The following NR3C2 variants were observed in gnomAD, a reference collection of about 807,000 sequenced individuals.
The protein encoded by NR3C2 is mineralocorticoid receptor.
In NR3C2, 15 loss-of-function variants were observed where a neutral mutation model predicts 86.4. The observed-to-expected ratio is 0.17, with a 90% CI of 0.12 to 0.27. The LOEUF is 0.27. NR3C2 is among the 10% of genes least tolerant of loss of function. The pLI is 1.00. For missense variants in NR3C2, 960 were observed against 1,195.6 expected, an observed-to-expected ratio of 0.80 and a Z score of 2.91; for synonymous variants, 458 against 450.5, an observed-to-expected ratio of 1.02 and a Z score of -0.21.
chr4:148,323,216 T>C (rs970386785), intron 2 of NR3C2, among the ~76,000 whole-genome samples: 4 of 140,408 alleles, frequency 2.8e-5, no homozygotes, highest in South Asian at 5.1e-4. Context: ...GGGACCCACT[T>C]GAGGTGGCAG....
chr4:148,341,098 T>A (rs1366882785), intron 2 of NR3C2, among the ~76,000 whole-genome samples: 2 of 152,118 alleles, frequency 1.3e-5, no homozygotes, highest in African/African-American at 4.8e-5. Flanking sequence ...AAATACCATA[T>A]AATCCAGCAA....
chr4:148,308,681 T>C (rs1742759802), intron 2 of NR3C2, among the ~76,000 whole-genome samples: 1 of 152,086 alleles, frequency 6.6e-6, no homozygotes, highest in South Asian at 2.1e-4. Context: ...CACTGTGGGA[T>C]GGCTATAGTT....
At chr4:148,406,533 A>G (rs1310874699) in intron 2 of NR3C2, among the ~76,000 whole-genome samples, 1 of 152,022 alleles carries the variant, frequency 6.6e-6, no homozygotes, top group African/African-American at 2.4e-5. Context: ...CTGCTGGAAA[A>G]CCTGAAGAAA....
At chr4:148,214,633 C>A (rs1737436075) in intron 3 of NR3C2, among the ~76,000 whole-genome samples, 1 of 152,044 alleles carries the variant, frequency 6.6e-6, no homozygotes, top group Admixed American at 6.6e-5. Context: ...CAGCATCTTG[C>A]CACAGAGCTG....
chr4:148,384,593 G>A (rs1747171590), intron 2 of NR3C2, among the ~76,000 whole-genome samples: 1 of 152,094 alleles, frequency 6.6e-6, no homozygotes, highest in African/African-American at 2.4e-5. Flanking sequence ...ACAAGAAACT[G>A]TATTTGCTAA....
At chr4:148,139,721 C>T (rs1027215262) in intron 6 of NR3C2, among the ~76,000 whole-genome samples, 3 of 152,100 alleles carry the variant, frequency 2.0e-5, no homozygotes, top group Non-Finnish European at 4.4e-5. Flanking sequence ...ATAAGCAGGC[C>T]GAGGGTCTCC....
chr4:148,168,494 A>G (rs955053930), intron 4 of NR3C2, among the ~76,000 whole-genome samples: 41 of 152,320 alleles, frequency 2.7e-4, no homozygotes, highest in Middle Eastern at 3.4e-3. Flanking sequence ...GAGACTCACC[A>G]TTTCAAGTTC....
chr4:148,229,948 G>T (rs1334663419), intron 3 of NR3C2, among the ~76,000 whole-genome samples: 1 of 152,092 alleles, frequency 6.6e-6, no homozygotes, highest in African/African-American at 2.4e-5. Flanking sequence ...CTCAACTCCA[G>T]GGAAATGCTT....
intron 4 of NR3C2, among the ~76,000 whole-genome samples, chr4:148,183,772 A>G (rs1735752372): frequency 6.6e-6 from 1 of 152,236 alleles, no homozygotes; most frequent in Admixed American, 6.5e-5. Context: ...AGTGAACACC[A>G]AACTTTGTGC....
intron 2 of NR3C2, among the ~76,000 whole-genome samples, chr4:148,331,710 T>C (rs1459932358): frequency 6.6e-6 from 1 of 152,176 alleles, no homozygotes; most frequent in Non-Finnish European, 1.5e-5. Context: ...TGAAGAGAGA[T>C]AGTATCTATA....
intron 4 of NR3C2, among the ~76,000 whole-genome samples, chr4:148,167,148 C>A (rs534128402): frequency 6.6e-6 from 1 of 152,256 alleles, no homozygotes; most frequent in African/African-American, 2.4e-5. Context: ...GGATCTTCAA[C>A]AAATGATTTC....
At chr4:148,106,091 A>AC (rs1255787875) in intron 8 of NR3C2, among the ~76,000 whole-genome samples, 1 of 152,208 alleles carries the variant, frequency 6.6e-6, no homozygotes, top group Non-Finnish European at 1.5e-5. Flanking sequence ...TTTGCAGATG[A>AC]CATGATTCTA....
At chr4:148,441,952 T>C (rs917012849) in intron 1 of NR3C2, among the ~76,000 whole-genome samples, 2 of 152,232 alleles carry the variant, frequency 1.3e-5, no homozygotes, top group Non-Finnish European at 2.9e-5. Flanking sequence ...AGGGCATTTA[T>C]CCAAAGTGGC....
chr4:148,299,957 C>T (rs898642158), intron 2 of NR3C2, among the ~76,000 whole-genome samples: 1 of 152,104 alleles, frequency 6.6e-6, no homozygotes, highest in Non-Finnish European at 1.5e-5. Context: ...TTTTGATTAT[C>T]GAAAGGGATT....
intron 2 of NR3C2, among the ~76,000 whole-genome samples, chr4:148,410,692 C>T (rs568043118): frequency 5.3e-5 from 8 of 152,222 alleles, no homozygotes; most frequent in Non-Finnish European, 1.0e-4. Flanking sequence ...CTTACCTATC[C>T]GCAAGTTAAC....
chr4:148,263,379 C>A (rs1740227524), intron 2 of NR3C2, among the ~76,000 whole-genome samples: 1 of 152,224 alleles, frequency 6.6e-6, no homozygotes. Flanking sequence ...ACCACCACGT[C>A]CTGCTCAGTC....
chr4:148,213,354 T>C (rs749733414), intron 3 of NR3C2, among the ~76,000 whole-genome samples: 6 of 152,084 alleles, frequency 3.9e-5, no homozygotes, highest in Non-Finnish European at 8.8e-5. Flanking sequence ...CAAGGAAAAG[T>C]AGAAATCATT....
At chr4:148,230,371 T>G (rs1216625328) in intron 3 of NR3C2, among the ~76,000 whole-genome samples, 1 of 152,070 alleles carries the variant, frequency 6.6e-6, no homozygotes, top group African/African-American at 2.4e-5. Context: ...TTTTTTTGTA[T>G]TTTTTAGTAG....
chr4:148,363,530 G>A (rs2126321886), intron 2 of NR3C2, among the ~76,000 whole-genome samples: 1 of 41,502 alleles, frequency 2.4e-5, no homozygotes, highest in South Asian at 4.7e-4. Flanking sequence ...TTGAGACGGA[G>A]TGTCGCTCTT....
Sources: gnomAD v4.1 joint callset for allele counts (sites outside exome capture counted in the v4.1 genomes callset) on GRCh38, gnomAD v4.1.1 for gene constraint, MANE v1.5 for transcripts, NCBI Gene and HGNC (gene_info 2026-07-23, HGNC 2026-07-21) for gene names.